FHIT: variants seen among roughly 807,000 people sequenced by gnomAD.
FHIT encodes the protein fragile histidine triad diadenosine triphosphatase, also known as bis(5'-adenosyl)-triphosphatase.
In FHIT, 19 loss-of-function variants were observed where a neutral mutation model predicts 17.9. The observed-to-expected ratio is 1.06, with a 90% CI of 0.74 to 1.56. FHIT has a LOEUF of 1.56. Among genes scored for constraint, FHIT ranks in the 40% most tolerant of loss-of-function variants. The pLI is 0.00. For synonymous variants in FHIT, 81 were observed against 69.7 expected (o/e 1.16, Z -0.81); for missense variants, 248 against 189.2 (o/e 1.31, Z -1.82).
intron 5 of FHIT, among the ~76,000 whole-genome samples, chr3:60,084,983 G>C (rs34603508): frequency 6.6e-6 from 1 of 152,090 alleles, no homozygotes; most frequent in East Asian, 1.9e-4. Flanking sequence ...CTATATGTTG[G>C]AGGCACTGTC....
chr3:60,469,363 C>G (rs2032964352), intron 5 of FHIT, among the ~76,000 whole-genome samples: 2 of 148,858 alleles, frequency 1.3e-5, no homozygotes, highest in Admixed American at 6.6e-5. Flanking sequence ...CTTTTGTCTC[C>G]TCTGACTGTG....
At chr3:60,070,270 T>C (rs1303448535) in intron 5 of FHIT, among the ~76,000 whole-genome samples, 1 of 152,160 alleles carries the variant, frequency 6.6e-6, no homozygotes, top group African/African-American at 2.4e-5. Flanking sequence ...GATATGATGA[T>C]GGAGGTGTGG....
intron 5 of FHIT, among the ~76,000 whole-genome samples, chr3:60,500,771 T>TAAAAA (rs71092606): frequency 1.9e-4 from 12 of 64,860 alleles, no homozygotes; most frequent in African/African-American, 6.8e-4. Flanking sequence ...AGCATCCATC[T>TAAAAA]AAAAAAAAAA....
chr3:60,347,827 T>C (rs1408951637), intron 5 of FHIT, among the ~76,000 whole-genome samples: 2 of 152,108 alleles, frequency 1.3e-5, no homozygotes, highest in Non-Finnish European at 2.9e-5. Context: ...AGCACGATCT[T>C]GGCTCACTGC....
rs114066467 is a variant in FHIT at position 60,161,314 on chromosome 3, G to A, written c.104-147162C>T. 3.4e-3 allele frequency among the ~76,000 whole-genome samples: 514 copies of A among 152,296 alleles called. 4 individuals are homozygous for A. The highest frequency in any genetic ancestry group is 0.012 in the African/African-American group (490 of 41,568). ...ATCACGAAGCTTGTAAAAGCAAAAC[G>A]GCACAACGTCTGCCTGCCTGCCATA... On this transcript the variant is annotated intron_variant, in intron 5 of 9. Coordinates refer to ENST00000492590, the MANE Select transcript of FHIT (RefSeq NM_002012.4).
chr3:60,826,329 GTTTTGTTTTGTTT>G, intron 3 of FHIT, among the ~76,000 whole-genome samples: 1 of 150,738 alleles, frequency 6.6e-6, no homozygotes, highest in Admixed American at 6.6e-5. Flanking sequence ...GTTTTGTTTT[GTTTTGTTTTGTTT>G]TGAGATGGAC....
intron 3 of FHIT, among the ~76,000 whole-genome samples, chr3:60,943,521 T>C (rs1318109949): frequency 6.6e-6 from 1 of 152,172 alleles, no homozygotes; most frequent in African/African-American, 2.4e-5. Context: ...TTGTTCCTTG[T>C]AAACAGTTAA....
At chr3:60,591,729 A>T (rs1054102038) in intron 4 of FHIT, among the ~76,000 whole-genome samples, 1 of 152,192 alleles carries the variant, frequency 6.6e-6, no homozygotes, top group South Asian at 2.1e-4. Context: ...TTCATTCTTT[A>T]GTTTGTTCGT....
intron 7 of FHIT, among the ~76,000 whole-genome samples, chr3:59,930,917 G>A (rs552421539): frequency 1.3e-5 from 2 of 152,222 alleles, no homozygotes; most frequent in South Asian, 4.2e-4. Flanking sequence ...AAAGGTAGAA[G>A]CCCCTACAAT....
intron 2 of FHIT, among the ~76,000 whole-genome samples, chr3:61,134,125 A>ACACACACACACACACACACC (rs1374489094): frequency 2.6e-5 from 4 of 151,718 alleles, no homozygotes; most frequent in Admixed American, 6.6e-5. Context: ...ACACACACAC[A>ACACACACACACACACACACC]CACACAAAGA....
At chr3:60,993,715 TA>T (rs1186846652) in intron 3 of FHIT, among the ~76,000 whole-genome samples, 2 of 151,788 alleles carry the variant, frequency 1.3e-5, no homozygotes, top group African/African-American at 4.8e-5. Context: ...GCTGCATCCA[TA>T]AAAAAAAGGA....
chr3:60,280,651 G>T (rs1008842007), intron 5 of FHIT, among the ~76,000 whole-genome samples: 4 of 152,136 alleles, frequency 2.6e-5, no homozygotes, highest in Admixed American at 1.3e-4. Flanking sequence ...TTCTGTGGGA[G>T]TACGGCCCTG....
At chr3:60,182,218 G>A (rs572600345) in intron 5 of FHIT, among the ~76,000 whole-genome samples, 2 of 152,246 alleles carry the variant, frequency 1.3e-5, no homozygotes, top group African/African-American at 2.4e-5. Context: ...CTTCTTCACT[G>A]CATCTGAAAA....
At chr3:60,298,960 A>G (rs145606985) in intron 5 of FHIT, among the ~76,000 whole-genome samples, 76 of 152,234 alleles carry the variant, frequency 5.0e-4, no homozygotes, top group African/African-American at 1.7e-3. Flanking sequence ...ACAGAGTAAT[A>G]AAGTAATCTT....
At chr3:59,991,641 T>C (rs937417832) in intron 7 of FHIT, among the ~76,000 whole-genome samples, 10 of 152,192 alleles carry the variant, frequency 6.6e-5, no homozygotes, top group African/African-American at 2.4e-4. Flanking sequence ...TCTTCCTTCC[T>C]TCCATCAGTC....
At chr3:60,377,181 A>G (rs1700597252) in intron 5 of FHIT, among the ~76,000 whole-genome samples, 1 of 151,498 alleles carries the variant, frequency 6.6e-6, no homozygotes, top group Admixed American at 6.6e-5. Flanking sequence ...TTCTGTTTAC[A>G]TGCAACAGAG....
At chr3:59,879,485 T>A (rs9847503) in intron 8 of FHIT, among the ~76,000 whole-genome samples, 3,158 of 152,220 alleles carry the variant, frequency 0.021, 99 homozygotes, top group African/African-American at 0.072. Flanking sequence ...TAGAAAACAA[T>A]TGATAATGAT....
At chr3:61,177,897 A>C (rs1224410397) in intron 2 of FHIT, among the ~76,000 whole-genome samples, 1 of 152,196 alleles carries the variant, frequency 6.6e-6, no homozygotes, top group Admixed American at 6.5e-5. Flanking sequence ...TTAAAAAATG[A>C]TACCAGGTTT....
intron 8 of FHIT, among the ~76,000 whole-genome samples, chr3:59,875,047 T>C (rs1196014406): frequency 6.6e-6 from 1 of 152,178 alleles, no homozygotes; most frequent in Non-Finnish European, 1.5e-5. Context: ...CCTTCCCAGG[T>C]GTATCTTTTT....
Sources: allele counts gnomAD v4.1 joint callset (sites outside exome capture counted in the v4.1 genomes callset), GRCh38; gene constraint gnomAD v4.1.1; transcripts MANE v1.5; gene names NCBI Gene and HGNC (gene_info 2026-07-23, HGNC 2026-07-21).